Variants in BCAR3 observed in about 807,000 individuals in gnomAD.
BCAR3 encodes the protein breast cancer anti-estrogen resistance protein 3.
BCAR3 carries 37 observed loss-of-function variants against 80.1 expected under a neutral mutation model. The observed-to-expected ratio is 0.46, with a 90% CI of 0.36 to 0.61. BCAR3 has a LOEUF of 0.61. BCAR3 is among the 20% of genes least tolerant of loss of function. The probability of loss-of-function intolerance (pLI) is 0.00; values close to 1 mark genes in which losing one functional copy is unlikely to be tolerated. For missense variants in BCAR3, 978 were observed against 1,068.2 expected (o/e 0.92, Z 1.18); for synonymous variants, 389 against 418.9 (o/e 0.93, Z 0.87).
At chr1:93,724,383 T>C (rs1228657416) in intron 2 of BCAR3, among the ~76,000 whole-genome samples, 1 of 152,206 alleles carries the variant, frequency 6.6e-6, no homozygotes, top group Non-Finnish European at 1.5e-5. Flanking sequence ...GGCAGCCCTA[T>C]CTTTGGGCCT....
chr1:93,693,164 C>T (rs183617178), intron 3 of BCAR3, among the ~76,000 whole-genome samples: 1 of 152,204 alleles, frequency 6.6e-6, no homozygotes, highest in Non-Finnish European at 1.5e-5. Context: ...AGGCACTGCT[C>T]CAACTCAACA....
At chr1:93,608,353 T>C (rs1265092035) in intron 3 of BCAR3, among the ~76,000 whole-genome samples, 1 of 152,254 alleles carries the variant, frequency 6.6e-6, no homozygotes, top group Admixed American at 6.5e-5. Flanking sequence ...TCTCCTCTGC[T>C]GTTCCTGGGG....
intron 2 of BCAR3, among the ~76,000 whole-genome samples, chr1:93,662,142 G>C (rs1647690158): frequency 6.6e-6 from 1 of 152,180 alleles, no homozygotes; most frequent in Non-Finnish European, 1.5e-5. Context: ...TTCCATTTCT[G>C]ATGTCTAGAG....
At chr1:93,732,237 A>G (rs871854) in intron 2 of BCAR3, among the ~76,000 whole-genome samples, 104,046 of 152,060 alleles carry the variant, frequency 0.68, 36,003 homozygotes, top group African/African-American at 0.77. Context: ...CAGTGCCAGA[A>G]GATGCTTTGT....
At chr1:93,812,457 ACTC>A (rs889490781) in intron 2 of BCAR3, among the ~76,000 whole-genome samples, 3 of 151,888 alleles carry the variant, frequency 2.0e-5, no homozygotes, top group Admixed American at 2.0e-4. Context: ...TATGGTCCAA[ACTC>A]CTGACCTGGC....
chr1:93,822,619 G>A (rs561631074), intron 2 of BCAR3, among the ~76,000 whole-genome samples: 28 of 152,270 alleles, frequency 1.8e-4, no homozygotes, highest in Admixed American at 5.2e-4. Flanking sequence ...GATTACAGGC[G>A]TGAGCCACCA....
chr1:93,592,559 C>T lies in BCAR3; in HGVS notation c.358-166G>A, dbSNP rs190369116. Reference sequence around the variant, plus strand: ...AAAGAGCTGTGACCTTTCGTTTCTCCGGCCGCAACCATGTAATAAAATTTT... The same window carrying T: ...AAAGAGCTGTGACCTTTCGTTTCTCTGGCCGCAACCATGTAATAAAATTTT... On this transcript the variant is annotated intron_variant, in intron 3 of 11. Coordinates refer to ENST00000260502, the MANE Select transcript of BCAR3 (RefSeq NM_003567.4). The surrounding 1 kb of genome is among the most constrained non-coding windows in gnomAD (Gnocchi z 4.8). The T allele has an allele frequency of 8.9e-5, 80 of 894,864 alleles. No homozygotes were observed. The highest frequency in any genetic ancestry group is 2.3e-4 in the Middle Eastern group (1 of 4,340). The allele number at this position is 894,864 out of a possible 1,614,324, so 55.4% of individuals were successfully genotyped here. A position where few individuals can be genotyped will look rare whatever the true frequency, so the allele number is the denominator to read the frequency against.
intron 11 of BCAR3, 27 bp downstream of exon 11, chr1:93,567,252 G>GCT: frequency 6.2e-7 from 1 of 1,610,164 alleles, no homozygotes; most frequent in Non-Finnish European, 8.5e-7. Flanking sequence ...CAGTGTTAGA[G>GCT]AACAGCTTAC....
At chr1:93,756,765 C>A (rs1291892268) in intron 2 of BCAR3, among the ~76,000 whole-genome samples, 2 of 152,190 alleles carry the variant, frequency 1.3e-5, no homozygotes. Flanking sequence ...AGGGAATGCC[C>A]AGGTGCAGCC....
At chr1:93,611,531 TATTA>T (rs1674946048) in intron 3 of BCAR3, among the ~76,000 whole-genome samples, 1 of 152,220 alleles carries the variant, frequency 6.6e-6, no homozygotes, top group Non-Finnish European at 1.5e-5. Flanking sequence ...CCCTTCGGGA[TATTA>T]AAGTCATGAC....
intron 2 of BCAR3, among the ~76,000 whole-genome samples, chr1:93,657,569 AT>A (rs1383874487): frequency 3.3e-5 from 5 of 152,282 alleles, no homozygotes; most frequent in South Asian, 2.1e-4. Context: ...AATATATATC[AT>A]AATCAAATAA....
chr1:93,623,275 T>C (rs777975937), intron 3 of BCAR3, among the ~76,000 whole-genome samples: 4 of 151,020 alleles, frequency 2.6e-5, no homozygotes, highest in Non-Finnish European at 5.9e-5. Flanking sequence ...TAGCAGAATA[T>C]ACTTCTGATC....
At chr1:93,787,436 T>C (rs1652986191) in intron 2 of BCAR3, among the ~76,000 whole-genome samples, 1 of 152,230 alleles carries the variant, frequency 6.6e-6, no homozygotes, top group African/African-American at 2.4e-5. Flanking sequence ...AACTTTTTGA[T>C]GTAGGGATTT....
chr1:93,847,666 T>C (rs1655273785), upstream of BCAR3: 1 of 152,560 alleles, frequency 6.6e-6, no homozygotes, highest in Non-Finnish European at 1.5e-5. Context: ...CGTAACGCTT[T>C]TTTCCCTCCC....
intron 11 of BCAR3, among the ~76,000 whole-genome samples, chr1:93,562,779 A>AAC (rs1327527747): frequency 6.6e-6 from 1 of 151,490 alleles, no homozygotes; most frequent in East Asian, 1.9e-4. Context: ...AAAAAAAAAA[A>AAC]AAAAAAAAAA....
Position 93,799,766 on chromosome 1 carries a change from T to C in BCAR3, c.-63+45801A>G, listed in dbSNP as rs561825426. On this transcript the variant is annotated intron_variant, in intron 2 of 13. Transcript: ENST00000370244. ...TCAGCCATCTCAGCCCTTAATATTT[T>C]GAAAAATAGTTGGGCTTCCAGTATA... Among the ~76,000 whole-genome samples the C allele has an allele frequency of 3.3e-5, 5 of 152,342 alleles. No individual in the cohort carries two copies. The South Asian group carries it at 1.0e-3, about 32-fold the overall frequency.
intron 2 of BCAR3, among the ~76,000 whole-genome samples, chr1:93,834,107 C>T (rs1654679080): frequency 6.6e-6 from 1 of 152,162 alleles, no homozygotes; most frequent in Non-Finnish European, 1.5e-5. Context: ...TGCAACATCA[C>T]CCTTACCCTG....
At chr1:93,630,401 A>C (rs1380019493) in intron 3 of BCAR3, among the ~76,000 whole-genome samples, 1 of 152,040 alleles carries the variant, frequency 6.6e-6, no homozygotes, top group Non-Finnish European at 1.5e-5. Flanking sequence ...AGGCAGGCGA[A>C]TCACTTGAGC....
intron 2 of BCAR3, among the ~76,000 whole-genome samples, chr1:93,797,384 C>G (rs914075923): frequency 6.6e-6 from 1 of 152,108 alleles, no homozygotes; most frequent in East Asian, 1.9e-4. Flanking sequence ...GTCTTAATGT[C>G]CCAAGTCCTG....
Sources: allele counts gnomAD v4.1 joint callset (sites outside exome capture counted in the v4.1 genomes callset), GRCh38; gene constraint gnomAD v4.1.1; non-coding constraint Gnocchi (gnomAD v3.1); transcripts MANE v1.5; gene names NCBI Gene and HGNC (gene_info 2026-07-23, HGNC 2026-07-21).